Variants in TRABD2B observed in about 807,000 individuals in gnomAD.
TRABD2B encodes the protein metalloprotease TIKI2.
Under a neutral mutation model 40.1 loss-of-function variants are expected in TRABD2B, and 14 were observed. The ratio of observed to expected loss-of-function variants is 0.35; its 90% CI spans 0.23 to 0.55. The LOEUF (loss-of-function observed/expected upper bound fraction) is 0.55, where lower values mean the gene tolerates loss of function less well. TRABD2B is among the 20% of genes least tolerant of loss of function. The pLI, the probability that TRABD2B is intolerant of heterozygous loss-of-function variation, is 0.90. For missense variants in TRABD2B, 541 were observed against 648.6 expected, an observed-to-expected ratio of 0.83 and a Z score of 1.80; for synonymous variants, 263 against 277.0, an observed-to-expected ratio of 0.95 and a Z score of 0.50.
At position 47,813,740 on chromosome 1, in the gene TRABD2B, G is replaced by A. The variant is rs1025025487; in HGVS notation, c.667-12121C>T. ...AAGAAATTTCTGTTCCCTAAGCACC[G>A]GGGTGGGTCCCAGTTGCAGGAGGTG... On this transcript the variant is annotated intron_variant, in intron 2 of 6. Transcript: ENST00000606738. The surrounding 1 kb of genome is among the most constrained non-coding windows in gnomAD (Gnocchi z 4.3). Among the ~76,000 whole-genome samples, 2 of 152,176 alleles carry A rather than the reference G, an allele frequency of 1.3e-5. No homozygotes were observed. The highest frequency in any genetic ancestry group is 2.1e-4 in the South Asian group (1 of 4,830).
At chr1:47,897,279 G>A (rs1032151561) in intron 2 of TRABD2B, among the ~76,000 whole-genome samples, 19 of 152,176 alleles carry the variant, frequency 1.2e-4, no homozygotes, top group African/African-American at 3.4e-4. Context: ...GGAAGACAAC[G>A]TGGCTGGAGG....
In TRABD2B at chr1:47,794,780, G is replaced by C; in HGVS notation, c.814-20C>G. The stretch of plus-strand genomic sequence containing the variant: ...GGGCAGCTGCAAAGGCAAGACAGAG[G>C]CTGCCTTCAGTTTTTTTTTTTTTTT... On this transcript the variant is annotated intron_variant, in intron 3 of 6. Coordinates refer to ENST00000606738, the MANE Select transcript of TRABD2B (RefSeq NM_001194986.2). 1 of 1,438,652 alleles carries C rather than the reference G, an allele frequency of 7.0e-7. No homozygotes were observed. Among genetic ancestry groups the C allele is most frequent in the South Asian group, 1.4e-5 (1 of 71,596 alleles). 89.1% of individuals were successfully genotyped at this position (1,438,652 alleles called of 1,614,324 possible).
chr1:47,819,324 T>C (rs997492529), intron 2 of TRABD2B: 7 of 152,256 alleles, frequency 4.6e-5, no homozygotes, highest in African/African-American at 1.7e-4. Context: ...GGCGCTTGAA[T>C]ATCCTGAGTG....
chr1:47,925,701 G>A (rs965897903), intron 2 of TRABD2B, among the ~76,000 whole-genome samples: 10 of 152,244 alleles, frequency 6.6e-5, no homozygotes, highest in African/African-American at 2.4e-4. Context: ...GAGTTCAAGA[G>A]ATGGAGCTTT....
At chr1:47,862,961 C>T (rs1263848364) in intron 2 of TRABD2B, among the ~76,000 whole-genome samples, 2 of 152,122 alleles carry the variant, frequency 1.3e-5, no homozygotes, top group Non-Finnish European at 2.9e-5. Flanking sequence ...TTGACACAGG[C>T]ACTATGGCTG....
intron 2 of TRABD2B, among the ~76,000 whole-genome samples, chr1:47,906,187 T>C (rs770823147): frequency 7.9e-5 from 12 of 152,342 alleles, no homozygotes; most frequent in East Asian, 3.9e-4. Context: ...AAAAACACTA[T>C]TGGCTACATC....
chr1:47,795,675 G>T, intron 3 of TRABD2B: 6 of 985,370 alleles, frequency 6.1e-6, no homozygotes, highest in Non-Finnish European at 7.2e-6. Flanking sequence ...TTCAGCACAT[G>T]CCACCCTACA....
rs1345009986 is a variant in TRABD2B, at chr1:47,990,776, T to C, written c.666+3258A>G. 5.3e-3 allele frequency among the ~76,000 whole-genome samples: 18 copies of C among 3,404 alleles called. 1 individual carries two copies. Among genetic ancestry groups the C allele is most frequent in the Middle Eastern group, 0.25 (1 of 4 alleles). 2.2% of individuals were successfully genotyped at this position (3,404 alleles called of 152,430 possible). ...TTGGTTTTAAAACGTTGGTTTTATATATATATATATATATATATATATATA... is the reference window on the plus strand; with the variant it reads ...TTGGTTTTAAAACGTTGGTTTTATACATATATATATATATATATATATATA... On this transcript the variant is annotated intron_variant, in intron 2 of 6. Transcript: ENST00000606738.
At chr1:47,920,794 G>A (rs1644891978) in intron 2 of TRABD2B, among the ~76,000 whole-genome samples, 1 of 152,190 alleles carries the variant, frequency 6.6e-6, no homozygotes. Context: ...ACTTCAGGAT[G>A]AATGAATGAA....
intron 2 of TRABD2B, among the ~76,000 whole-genome samples, chr1:47,961,666 C>G (rs1429277110): frequency 6.6e-6 from 1 of 152,120 alleles, no homozygotes; most frequent in Non-Finnish European, 1.5e-5. Flanking sequence ...CAATGAGATA[C>G]CATCTCACAC....
rs1553156380 is a variant in TRABD2B at position 47,834,577 on chromosome 1, G to GCACA, written c.667-32959_667-32958insTGTG. Among the ~76,000 whole-genome samples the GCACA allele has an allele frequency of 9.4e-3, 1,345 of 142,458 alleles. 12 individuals carry two copies. Among genetic ancestry groups the GCACA allele is most frequent in the African/African-American group, 0.022 (871 of 40,318 alleles). 93.5% of individuals were successfully genotyped at this position (142,458 alleles called of 152,430 possible). On this transcript the variant is annotated intron_variant, in intron 2 of 6. Transcript: ENST00000606738. ...GATGTGCTCCAACACACACACACAC[G>GCACA]CGCACACACACACACACACACACAC... is the stretch of plus-strand genomic sequence containing the variant.
At chr1:47,787,299 G>A (rs1644609392) in intron 4 of TRABD2B, among the ~76,000 whole-genome samples, 3 of 152,124 alleles carry the variant, frequency 2.0e-5, no homozygotes, top group Admixed American at 2.0e-4. Context: ...AGACATGTGT[G>A]GAAACGCTGA....
At chr1:47,798,017 T>C (rs1644771323) in intron 3 of TRABD2B, among the ~76,000 whole-genome samples, 1 of 152,060 alleles carries the variant, frequency 6.6e-6, no homozygotes, top group Non-Finnish European at 1.5e-5. Context: ...CTGTAGCCCA[T>C]CCATCCAACA....
At chr1:47,815,516 G>A (rs1329649972) in intron 2 of TRABD2B, among the ~76,000 whole-genome samples, 1 of 152,128 alleles carries the variant, frequency 6.6e-6, no homozygotes, top group Middle Eastern at 3.2e-3. Context: ...CTGCCACCAG[G>A]GACCCACCAG....
intron 2 of TRABD2B, among the ~76,000 whole-genome samples, chr1:47,878,824 C>A (rs1294582666): frequency 6.6e-6 from 1 of 152,082 alleles, no homozygotes; most frequent in African/African-American, 2.4e-5. Context: ...GGGCCAGGCA[C>A]AATGGCTCCT....
chr1:47,981,837 A>G (rs950009939), intron 2 of TRABD2B, among the ~76,000 whole-genome samples: 1 of 152,212 alleles, frequency 6.6e-6, no homozygotes, highest in Admixed American at 6.5e-5. Flanking sequence ...GCCTTCTCAG[A>G]CTTGATCCCA....
At chr1:47,929,096 T>G (rs1429831973) in intron 2 of TRABD2B, among the ~76,000 whole-genome samples, 1 of 152,218 alleles carries the variant, frequency 6.6e-6, no homozygotes, top group Non-Finnish European at 1.5e-5. Context: ...CTCTATCTAA[T>G]TCCTACCCAG....
At chr1:47,833,103 A>G (rs1298368883) in intron 2 of TRABD2B, among the ~76,000 whole-genome samples, 2 of 152,182 alleles carry the variant, frequency 1.3e-5, no homozygotes, top group Non-Finnish European at 2.9e-5. Context: ...AGCAAATCAG[A>G]ATTCATTTAA....
At chr1:47,946,414 A>G (rs1294838812) in intron 2 of TRABD2B, among the ~76,000 whole-genome samples, 1 of 152,102 alleles carries the variant, frequency 6.6e-6, no homozygotes, top group Non-Finnish European at 1.5e-5. Flanking sequence ...GTTCTCTTCT[A>G]GTCCTAGTTT....
Sources: gnomAD v4.1 joint callset for allele counts (sites outside exome capture counted in the v4.1 genomes callset) on GRCh38, gnomAD v4.1.1 for gene constraint, Gnocchi (gnomAD v3.1) non-coding constraint, MANE v1.5 for transcripts, NCBI Gene and HGNC (gene_info 2026-07-23, HGNC 2026-07-21) for gene names.